KCNH7: variants seen among roughly 807,000 people sequenced by gnomAD.
KCNH7 encodes the protein potassium voltage-gated channel subfamily H member 7.
Under a neutral mutation model 120.8 loss-of-function variants are expected in KCNH7, and 49 were observed. The ratio of observed to expected loss-of-function variants is 0.41; its 90% CI spans 0.32 to 0.51. The LOEUF (loss-of-function observed/expected upper bound fraction) is 0.51. KCNH7 is among the 20% of genes least tolerant of loss of function. The pLI is 0.38. For missense variants in KCNH7, 1,097 were observed against 1,446.6 expected (o/e 0.76, Z 3.92); for synonymous variants, 547 against 516.1 (o/e 1.06, Z -0.81).
intron 10 of KCNH7, 150 bp from the exon 11 acceptor site, chr2:162,397,095 C>T (rs1230621824): frequency 8.1e-6 from 5 of 619,948 alleles, no homozygotes; most frequent in Non-Finnish European, 8.5e-6. Context: ...AATGCCCATA[C>T]CATGTTTGGT....
intron 3 of KCNH7, among the ~76,000 whole-genome samples, chr2:162,526,148 C>G (rs1691697492): frequency 6.6e-6 from 1 of 151,766 alleles, no homozygotes; most frequent in Admixed American, 6.6e-5. Context: ...GTAAAACCAG[C>G]AAGTTTTTAT....
At chr2:162,387,197 T>C (rs1245619402) in intron 12 of KCNH7, among the ~76,000 whole-genome samples, 1 of 149,576 alleles carries the variant, frequency 6.7e-6, no homozygotes, top group Non-Finnish European at 1.5e-5. Flanking sequence ...ATTTCTTTGA[T>C]ACAAACCCAC....
intron 2 of KCNH7, among the ~76,000 whole-genome samples, chr2:162,799,367 G>A (rs1297278198): frequency 2.0e-5 from 3 of 150,688 alleles, no homozygotes; most frequent in Non-Finnish European, 4.4e-5. Flanking sequence ...TTTTACTATC[G>A]AACTGCATAC....
intron 2 of KCNH7, among the ~76,000 whole-genome samples, chr2:162,550,849 A>G (rs960927905): frequency 1.1e-4 from 16 of 151,752 alleles, no homozygotes; most frequent in African/African-American, 3.9e-4. Context: ...AATGAGCTGA[A>G]TATGGTAGAC....
chr2:162,672,369 C>A (rs1431577679), intron 2 of KCNH7, among the ~76,000 whole-genome samples: 1 of 151,900 alleles, frequency 6.6e-6, no homozygotes, highest in Non-Finnish European at 1.5e-5. Context: ...TGAAGATGAT[C>A]AAATACTTGA....
chr2:162,547,264 G>T (rs529946259), intron 2 of KCNH7, among the ~76,000 whole-genome samples: 1 of 152,208 alleles, frequency 6.6e-6, no homozygotes, highest in African/African-American at 2.4e-5. Flanking sequence ...CTCTCTCTGG[G>T]ATTACAATTC....
At chr2:162,660,594 A>C (rs1684923966) in intron 2 of KCNH7, among the ~76,000 whole-genome samples, 1 of 152,180 alleles carries the variant, frequency 6.6e-6, no homozygotes. Context: ...TTGTTGAATA[A>C]GTATTCTGTA....
At chr2:162,401,925 T>A (rs867165429) in intron 9 of KCNH7, among the ~76,000 whole-genome samples, 84 of 151,976 alleles carry the variant, frequency 5.5e-4, no homozygotes, top group African/African-American at 1.9e-3. Context: ...AATAAACTAC[T>A]CATAAATAGT....
chr2:162,684,379 T>C (rs12112251), intron 2 of KCNH7, among the ~76,000 whole-genome samples: 4,934 of 152,042 alleles, frequency 0.032, 212 homozygotes, highest in African/African-American at 0.1. Context: ...ACCTTCTGTA[T>C]AGCAAAACAA....
At chr2:162,407,935 C>T (rs1163133695) in intron 9 of KCNH7, among the ~76,000 whole-genome samples, 11 of 151,996 alleles carry the variant, frequency 7.2e-5, no homozygotes, top group East Asian at 3.9e-4. Context: ...TTTATGGTTT[C>T]GGAAACATTT....
chr2:162,415,490 C>T (rs1194988111), intron 9 of KCNH7, among the ~76,000 whole-genome samples: 1 of 152,046 alleles, frequency 6.6e-6, no homozygotes, highest in African/African-American at 2.4e-5. Context: ...ATATAAAGTA[C>T]TTTTTAATCA....
intron 2 of KCNH7, among the ~76,000 whole-genome samples, chr2:162,808,994 TAG>T (rs1371370145): frequency 6.6e-6 from 1 of 152,116 alleles, no homozygotes; most frequent in Non-Finnish European, 1.5e-5. Flanking sequence ...CATTTGTGAT[TAG>T]ACAGTATCCA....
intron 2 of KCNH7, among the ~76,000 whole-genome samples, chr2:162,715,086 T>C (rs1355657428): frequency 6.6e-6 from 1 of 152,196 alleles, no homozygotes; most frequent in Non-Finnish European, 1.5e-5. Context: ...CATAAGTTGG[T>C]ATATTAGGCC....
chr2:162,656,115 A>G (rs1684752549), intron 2 of KCNH7, among the ~76,000 whole-genome samples: 1 of 152,246 alleles, frequency 6.6e-6, no homozygotes, highest in African/African-American at 2.4e-5. Flanking sequence ...AAAGTCAAGC[A>G]TATTTTAAAT....
At chr2:162,480,030 G>C (rs1026569453) in intron 6 of KCNH7, among the ~76,000 whole-genome samples, 1 of 152,106 alleles carries the variant, frequency 6.6e-6, no homozygotes, top group African/African-American at 2.4e-5. Context: ...TTTCTTAAGA[G>C]TTTAATGAAG....
intron 2 of KCNH7, among the ~76,000 whole-genome samples, chr2:162,642,793 T>A (rs1414048931): frequency 6.6e-6 from 1 of 152,198 alleles, no homozygotes; most frequent in Non-Finnish European, 1.5e-5. Context: ...TTCTTGCTAT[T>A]CCTGTAGAAT....
intron 2 of KCNH7, among the ~76,000 whole-genome samples, chr2:162,693,252 G>A: frequency 6.6e-6 from 1 of 152,130 alleles, no homozygotes; most frequent in East Asian, 1.9e-4. Context: ...CAGTTCTTGA[G>A]TAAATTGACC....
At chr2:162,698,712 A>T (rs1559087573) in intron 2 of KCNH7, among the ~76,000 whole-genome samples, 1 of 152,042 alleles carries the variant, frequency 6.6e-6, no homozygotes, top group Non-Finnish European at 1.5e-5. Context: ...ATGAGCCTCA[A>T]TTTCTTCATC....
chr2:162,547,234 C>T (rs1485965), intron 2 of KCNH7, among the ~76,000 whole-genome samples: 83 of 152,228 alleles, frequency 5.5e-4, no homozygotes, highest in African/African-American at 1.9e-3. Flanking sequence ...CCCACATAAT[C>T]CAATCTCTTC....
Sources: allele counts gnomAD v4.1 joint callset (sites outside exome capture counted in the v4.1 genomes callset), GRCh38; gene constraint gnomAD v4.1.1; transcripts MANE v1.5; gene names NCBI Gene and HGNC (gene_info 2026-07-23, HGNC 2026-07-21).